Variants in CNTN5 observed in about 807,000 individuals in gnomAD.
The protein encoded by CNTN5 is contactin 5.
Under a neutral mutation model 129.1 loss-of-function variants are expected in CNTN5, and 77 were observed. That is an observed-to-expected ratio of 0.60 (90% CI 0.50 to 0.72). The LOEUF (loss-of-function observed/expected upper bound fraction) is 0.72, where lower values mean the gene tolerates loss of function less well. CNTN5 is among the 30% of genes least tolerant of loss of function. The pLI is 0.00. For synonymous variants in CNTN5, 509 were observed against 465.6 expected (o/e 1.09, Z -1.20); for missense variants, 1,478 against 1,328.8 (o/e 1.11, Z -1.75).
chr11:100,088,865 G>T (rs1210767355), intron 13 of CNTN5, among the ~76,000 whole-genome samples: 1 of 151,758 alleles, frequency 6.6e-6, no homozygotes, highest in African/African-American at 2.4e-5. Context: ...AAGAGGAGGG[G>T]CTCCTCCCTA....
intron 1 of CNTN5, among the ~76,000 whole-genome samples, chr11:99,285,329 G>A (rs756511617): frequency 3.3e-4 from 50 of 152,050 alleles, no homozygotes; most frequent in Non-Finnish European, 6.6e-4. Context: ...CAATTTTATT[G>A]AGTAAATAAT....
chr11:99,267,883 C>G (rs1231183437), intron 1 of CNTN5, among the ~76,000 whole-genome samples: 1 of 149,828 alleles, frequency 6.7e-6, no homozygotes, highest in Non-Finnish European at 1.5e-5. Flanking sequence ...CTTGTGCTCT[C>G]TCTCTCTTTC....
chr11:99,103,909 C>A (rs1302963707), intron 1 of CNTN5, among the ~76,000 whole-genome samples: 3 of 152,122 alleles, frequency 2.0e-5, no homozygotes, highest in Non-Finnish European at 4.4e-5. Flanking sequence ...GGAAAATTCT[C>A]CTCTATCATC....
intron 3 of CNTN5, among the ~76,000 whole-genome samples, chr11:99,767,601 T>A (rs1236209137): frequency 1.4e-5 from 2 of 138,210 alleles, no homozygotes; most frequent in African/African-American, 5.3e-5. Flanking sequence ...TTCCCATTGA[T>A]TACTATTAAT....
At chr11:100,204,267 G>T (rs1327993199) in intron 15 of CNTN5, among the ~76,000 whole-genome samples, 1 of 112,828 alleles carries the variant, frequency 8.9e-6, no homozygotes, top group African/African-American at 3.1e-5. Flanking sequence ...TAGCCATTTA[G>T]AGTAGCTCAC....
intron 7 of CNTN5, among the ~76,000 whole-genome samples, chr11:99,944,962 TG>T (rs1950522401): frequency 6.6e-6 from 1 of 152,032 alleles, no homozygotes; most frequent in Non-Finnish European, 1.5e-5. Flanking sequence ...CAGAGGAAGG[TG>T]GGAGTGCATT....
intron 1 of CNTN5, among the ~76,000 whole-genome samples, chr11:99,260,121 T>C (rs887888977): frequency 1.4e-4 from 21 of 151,828 alleles, no homozygotes; most frequent in Non-Finnish European, 2.8e-4. Context: ...CTGTATGTAG[T>C]CTAATGTGGC....
intron 1 of CNTN5, among the ~76,000 whole-genome samples, chr11:99,060,182 A>G (rs1864816317): frequency 6.6e-6 from 1 of 152,060 alleles, no homozygotes; most frequent in African/African-American, 2.4e-5. Context: ...GCTGTTGGTT[A>G]GGAAATATGG....
At chr11:100,338,561 C>T (rs966120505) in intron 21 of CNTN5, among the ~76,000 whole-genome samples, 5 of 152,194 alleles carry the variant, frequency 3.3e-5, no homozygotes, top group Non-Finnish European at 2.9e-5. Flanking sequence ...TGACCTTCGC[C>T]GCAGTAATGC....
intron 1 of CNTN5, among the ~76,000 whole-genome samples, chr11:99,259,779 G>C (rs947727627): frequency 6.6e-6 from 1 of 151,642 alleles, no homozygotes; most frequent in East Asian, 1.9e-4. Context: ...CTTTTGCTCT[G>C]CACTTCTGAA....
At chr11:99,433,384 T>TGTGC (rs1268282161) in intron 2 of CNTN5, among the ~76,000 whole-genome samples, 32 of 50,520 alleles carry the variant, frequency 6.3e-4, no homozygotes, top group African/African-American at 2.1e-3. Context: ...TGTGTGTGTG[T>TGTGC]GTGTGTGTGT....
At chr11:99,631,166 TTATGTA>T (rs1951333714) in intron 3 of CNTN5, among the ~76,000 whole-genome samples, 1 of 152,130 alleles carries the variant, frequency 6.6e-6, no homozygotes, top group South Asian at 2.1e-4. Flanking sequence ...AGTTTATTCT[TTATGTA>T]TATGGAGTAT....
chr11:99,327,990 A>G (rs577099867), intron 2 of CNTN5, among the ~76,000 whole-genome samples: 2 of 152,292 alleles, frequency 1.3e-5, no homozygotes, highest in South Asian at 2.1e-4. Flanking sequence ...CAGGATTCTC[A>G]TCAATTCATG....
chr11:100,159,532 A>G (rs1947369147), intron 13 of CNTN5, among the ~76,000 whole-genome samples: 4 of 151,846 alleles, frequency 2.6e-5, no homozygotes, highest in Admixed American at 1.3e-4. Context: ...ATGTAGATCA[A>G]TTTGACTCCA....
At chr11:99,589,981 G>C (rs1318192720) in intron 3 of CNTN5, among the ~76,000 whole-genome samples, 2 of 152,172 alleles carry the variant, frequency 1.3e-5, no homozygotes, top group East Asian at 3.9e-4. Flanking sequence ...GAGTTTTACA[G>C]AAGAATGATT....
At chr11:100,082,800 T>A (rs1944412167) in intron 13 of CNTN5, among the ~76,000 whole-genome samples, 1 of 152,126 alleles carries the variant, frequency 6.6e-6, no homozygotes, top group Admixed American at 6.6e-5. Flanking sequence ...TTATAGATAA[T>A]TTTCAACGCC....
chr11:100,060,640 C>CTTT lies in CNTN5; in HGVS notation c.981-558_981-556dup, dbSNP rs10700520. The stretch of plus-strand genomic sequence containing the variant: ...TTACAAAAACATAACAATTTTTTTT[C>CTTT]TTTTTTTTTTTTTTTTAAGATGGAG... On this transcript the variant is annotated intron_variant, in intron 9 of 24. Transcript: ENST00000524871. Among the ~76,000 whole-genome samples the CTTT allele has an allele frequency of 1.2e-3, 168 of 137,418 alleles. 2 individuals carry two copies. Among genetic ancestry groups the CTTT allele is most frequent in the Middle Eastern group, 4.0e-3 (1 of 250 alleles). 90.2% of individuals were successfully genotyped at this position (137,418 alleles called of 152,430 possible).
intron 1 of CNTN5, among the ~76,000 whole-genome samples, chr11:99,244,330 G>T (rs994976356): frequency 2.0e-5 from 3 of 152,076 alleles, no homozygotes; most frequent in African/African-American, 4.8e-5. Context: ...TACTGAAGTT[G>T]TTTATCAGTT....
intron 1 of CNTN5, among the ~76,000 whole-genome samples, chr11:99,069,172 GT>G (rs911834319): frequency 8.5e-5 from 13 of 152,064 alleles, no homozygotes; most frequent in Admixed American, 3.3e-4. Flanking sequence ...AAAATGAGGT[GT>G]TTTTTTCCCC....
Sources: gnomAD v4.1 joint callset for allele counts (sites outside exome capture counted in the v4.1 genomes callset) on GRCh38, gnomAD v4.1.1 for gene constraint, MANE v1.5 for transcripts, NCBI Gene and HGNC (gene_info 2026-07-23, HGNC 2026-07-21) for gene names.